Variants in ARHGAP22 observed in about 807,000 individuals in gnomAD.
The protein encoded by ARHGAP22 is Rho GTPase activating protein 22.
A neutral mutation model predicts 59.1 loss-of-function variants in ARHGAP22; 48 were observed. That is an observed-to-expected ratio of 0.81 (90% CI 0.64 to 1.03). The LOEUF (loss-of-function observed/expected upper bound fraction) is 1.03, where lower values mean the gene tolerates loss of function less well. Among genes scored for constraint, ARHGAP22 ranks in the 50% least tolerant of loss-of-function variants. The probability of loss-of-function intolerance (pLI) is 0.00; values close to 1 mark genes in which losing one functional copy is unlikely to be tolerated. For missense variants in ARHGAP22, 1,015 were observed against 958.7 expected, an observed-to-expected ratio of 1.06 and a Z score of -0.78; for synonymous variants, 445 against 416.4, an observed-to-expected ratio of 1.07 and a Z score of -0.84.
intron 6 of ARHGAP22, 31 bp from the exon 7 acceptor site, chr10:48,454,192 C>T (rs369504201): frequency 1.6e-4 from 250 of 1,585,968 alleles, no homozygotes; most frequent in East Asian, 7.8e-4. Context: ...TTTCAAACAC[C>T]GGCAATGAGG....
At chr10:48,652,977 G>C (rs912343138), upstream of ARHGAP22, among the ~76,000 whole-genome samples, 25 of 152,308 alleles carry the variant, frequency 1.6e-4, 1 homozygote, top group Admixed American at 1.4e-3. Flanking sequence ...GAATCAAAAA[G>C]AAAAATCCCA....
intron 3 of ARHGAP22, among the ~76,000 whole-genome samples, chr10:48,539,495 T>G (rs1189027681): frequency 2.0e-5 from 3 of 151,092 alleles, no homozygotes; most frequent in East Asian, 1.9e-4. Context: ...GTTTCACCGT[T>G]TTAGCCGGGA....
At chr10:48,537,227 T>C (rs1424325642) in intron 3 of ARHGAP22, among the ~76,000 whole-genome samples, 1 of 152,258 alleles carries the variant, frequency 6.6e-6, no homozygotes, top group African/African-American at 2.4e-5. Flanking sequence ...AGCTCTGCTC[T>C]GGTGCATCAG....
chr10:48,529,311 C>A (rs2054608785), intron 3 of ARHGAP22, among the ~76,000 whole-genome samples: 1 of 152,200 alleles, frequency 6.6e-6, no homozygotes, highest in Non-Finnish European at 1.5e-5. Context: ...GGGGCCCCAG[C>A]TAACCACACC....
the ARHGAP22 span, chr10:48,435,051 G>T: frequency 3.5e-6 from 5 of 1,430,652 alleles, no homozygotes; most frequent in South Asian, 2.7e-5. Flanking sequence ...ATCGGGGGGT[G>T]GGAGGGATGG....
At chr10:48,590,759 C>G (rs2059703253) in intron 1 of ARHGAP22, among the ~76,000 whole-genome samples, 2 of 151,188 alleles carry the variant, frequency 1.3e-5, no homozygotes, top group East Asian at 4.0e-4. Flanking sequence ...TGACTCTGGC[C>G]TGGCCGTCCT....
intron 3 of ARHGAP22, among the ~76,000 whole-genome samples, chr10:48,535,492 T>A (rs1291104608): frequency 6.6e-6 from 1 of 152,226 alleles, no homozygotes; most frequent in African/African-American, 2.4e-5. Flanking sequence ...GACAGCAGCC[T>A]CAGAAGCCTC....
chr10:48,597,154 T>C (rs1005125090), intron 1 of ARHGAP22, among the ~76,000 whole-genome samples: 1 of 152,076 alleles, frequency 6.6e-6, no homozygotes, highest in African/African-American at 2.4e-5. Flanking sequence ...GACATGCACC[T>C]CTCCTTCATA....
the ARHGAP22 span, chr10:48,436,850 G>C: frequency 6.6e-6 from 1 of 152,146 alleles, no homozygotes; most frequent in Non-Finnish European, 1.5e-5. Flanking sequence ...AGGCAAATTA[G>C]AGTTCTAAGA....
intron 2 of ARHGAP22, chr10:48,575,700 C>T (rs927463940): frequency 6.6e-6 from 1 of 152,224 alleles, no homozygotes; most frequent in African/African-American, 2.4e-5. Context: ...CTAGCCTGCT[C>T]TCAAAGTGAT....
intron 3 of ARHGAP22, among the ~76,000 whole-genome samples, chr10:48,548,163 A>G (rs1296613945): frequency 6.6e-6 from 1 of 152,142 alleles, no homozygotes; most frequent in East Asian, 1.9e-4. Flanking sequence ...CCCAGCACAG[A>G]GTACCACCCG....
intron 9 of ARHGAP22, among the ~76,000 whole-genome samples, chr10:48,448,185 C>T (rs1048749680): frequency 6.6e-6 from 1 of 152,208 alleles, no homozygotes; most frequent in Non-Finnish European, 1.5e-5. Context: ...CCTCCCCACA[C>T]ATCTCCAGTC....
chr10:48,499,144 G>A (rs988171214), intron 3 of ARHGAP22, among the ~76,000 whole-genome samples: 2 of 152,214 alleles, frequency 1.3e-5, no homozygotes, highest in Admixed American at 1.3e-4. Context: ...CTGGGGCCCC[G>A]AATCACCAGC....
chr10:48,549,523 C>A (rs945815692), intron 3 of ARHGAP22, among the ~76,000 whole-genome samples: 3 of 152,130 alleles, frequency 2.0e-5, no homozygotes, highest in South Asian at 2.1e-4. Flanking sequence ...ACGCCTCTTT[C>A]CCGACCCTGT....
chr10:48,533,333 C>T (rs977809158), intron 3 of ARHGAP22, among the ~76,000 whole-genome samples: 3 of 152,018 alleles, frequency 2.0e-5, no homozygotes, highest in Admixed American at 1.3e-4. Context: ...GTTGATGAGA[C>T]TTGTCTCATT....
At chr10:48,602,799 TGGTAAATAC>T (rs2060462371) in intron 1 of ARHGAP22, among the ~76,000 whole-genome samples, 1 of 152,176 alleles carries the variant, frequency 6.6e-6, no homozygotes, top group Non-Finnish European at 1.5e-5. Flanking sequence ...CTGCAACCTA[TGGTAAATAC>T]CATAAAGAAA....
chr10:48,609,672 T>A (rs143933893), upstream of ARHGAP22, among the ~76,000 whole-genome samples: 2 of 152,306 alleles, frequency 1.3e-5, no homozygotes, highest in African/African-American at 2.4e-5. Flanking sequence ...CTTTGATGCA[T>A]CCCTCTGGAC....
chr10:48,622,745 G>T (rs1197763590), intron 1 of ARHGAP22, among the ~76,000 whole-genome samples: 2 of 152,168 alleles, frequency 1.3e-5, no homozygotes, highest in African/African-American at 4.8e-5. Context: ...GGGTGTTTTG[G>T]AGATTAAATG....
chr10:48,626,614 C>G (rs542764408), intron 1 of ARHGAP22, among the ~76,000 whole-genome samples: 97 of 152,336 alleles, frequency 6.4e-4, no homozygotes, highest in African/African-American at 2.3e-3. Flanking sequence ...ATAACAAACT[C>G]TGCATGAAGC....
Sources: gnomAD v4.1 joint callset for allele counts (sites outside exome capture counted in the v4.1 genomes callset) on GRCh38, gnomAD v4.1.1 for gene constraint, MANE v1.5 for transcripts, NCBI Gene and HGNC (gene_info 2026-07-23, HGNC 2026-07-21) for gene names.